COTL1: variants seen among roughly 807,000 people sequenced by gnomAD.
The protein encoded by COTL1 is coactosin-like protein.
COTL1 carries 15 observed loss-of-function variants against 16.5 expected under a neutral mutation model. The ratio of observed to expected loss-of-function variants is 0.91; its 90% confidence interval spans 0.61 to 1.40. COTL1 has a LOEUF of 1.40. Ranked by LOEUF, COTL1 falls within the 40% of genes most tolerant of loss-of-function variation. The pLI is 0.00. For missense variants in COTL1, 220 were observed against 201.5 expected (o/e 1.09, Z -0.56); for synonymous variants, 112 against 85.3 (o/e 1.31, Z -1.73).
chr16:84,590,174 A>C lies in COTL1; in HGVS notation c.249T>G (p.Gly83=). 6.2e-7 allele frequency: 1 copy of C among 1,614,110 alleles called. No homozygotes were observed. Among genetic ancestry groups the C allele is most frequent in the South Asian group, 1.1e-5 (1 of 91,080 alleles). The change falls in exon 3 of 4, where the codon GGT becomes GGG. Residue 83 remains glycine (G), a synonymous_variant. Coordinates refer to ENST00000262428, the MANE Select transcript of COTL1 (RefSeq NM_021149.5). The surrounding 1 kb of genome is among the most constrained non-coding windows in gnomAD (Gnocchi z 5.5). The part of the protein sequence containing the change: ...RSKFALITWI[G]ENVSGLQRAK... ...CGCGCTGCAGCCCGCTGACGTTCTC[A>C]CCGATCCACGTGATGAGGGCAAACT...
At chr16:84,600,532 C>T (rs1319672513) in intron 2 of COTL1, among the ~76,000 whole-genome samples, 2 of 152,176 alleles carry the variant, frequency 1.3e-5, no homozygotes, top group Non-Finnish European at 2.9e-5. Context: ...AGGCTGATCT[C>T]GAACCCCTGA....
intron 2 of COTL1, among the ~76,000 whole-genome samples, chr16:84,602,913 T>C (rs146176478): frequency 3.2e-4 from 49 of 151,478 alleles, no homozygotes; most frequent in African/African-American, 9.9e-4. Context: ...GAGTCAGCGA[T>C]GCCAGAGTCA....
Position 84,567,137 on chromosome 16 carries a change from C to A in COTL1, c.319-182G>T, listed in dbSNP as rs566815192. The A allele has an allele frequency of 9.8e-5, 55 of 563,306 alleles. No individual in the cohort carries two copies. The East Asian group carries it at 1.7e-3, about 18-fold the overall frequency. 34.9% of individuals were successfully genotyped at this position (563,306 alleles called of 1,614,324 possible). A position where few individuals can be genotyped will look rare whatever the true frequency, so the allele number is the denominator to read the frequency against. On this transcript the variant is annotated intron_variant, in intron 3 of 3. Coordinates refer to ENST00000262428, the MANE Select transcript of COTL1 (RefSeq NM_021149.5). The stretch of plus-strand genomic sequence containing the variant: ...AGCAGAGTCAATGGAAATTGAACAG[C>A]AGAGTCATCTGGCAGAAAAAACCTG...
chr16:84,596,721 C>A, intron 2 of COTL1: 1 of 152,790 alleles, frequency 6.5e-6, no homozygotes, highest in Non-Finnish European at 1.5e-5. Context: ...TCTGTCTCCA[C>A]ACACACACTC....
chr16:84,613,519 G>C (rs975318213), intron 2 of COTL1, among the ~76,000 whole-genome samples: 5 of 152,092 alleles, frequency 3.3e-5, no homozygotes, highest in African/African-American at 1.2e-4. Context: ...GGAGATATGG[G>C]TGGGGACAAA....
rs557238908 is a variant in COTL1 at position 84,566,878 on chromosome 16, C to A, written c.396G>T (p.Ala132=). The part of the protein sequence containing the change: ...EDFIKSELKK[A]GGANYDAQTE ...TCTGGGCGTCGTAATTGGCTCCCCC[C>A]GCCTTCTTCAGCTCGCTCTTGATGA... The change falls in exon 4 of 4, where the codon GCG becomes GCT. Residue 132 remains alanine (A), a synonymous_variant. Coordinates refer to ENST00000262428, the MANE Select transcript of COTL1 (RefSeq NM_021149.5). The A allele has an allele frequency of 6.2e-6, 10 of 1,613,854 alleles. No homozygotes were observed. The highest frequency in any genetic ancestry group is 8.5e-6 in the Non-Finnish European group (10 of 1,179,882).
At chr16:84,579,441 C>T (rs1249763298) in intron 3 of COTL1, among the ~76,000 whole-genome samples, 29 of 148,342 alleles carry the variant, frequency 2.0e-4, no homozygotes, top group Admixed American at 1.8e-3. Context: ...GAGCCGAGAT[C>T]GTGCCACTGC....
intron 3 of COTL1, among the ~76,000 whole-genome samples, chr16:84,586,035 G>C (rs1904724139): frequency 6.6e-6 from 1 of 152,106 alleles, no homozygotes; most frequent in Non-Finnish European, 1.5e-5. Flanking sequence ...ACCCAAGCTG[G>C]GCCAATCAGG....
At chr16:84,592,813 G>C (rs1292600336) in intron 2 of COTL1, among the ~76,000 whole-genome samples, 1 of 152,072 alleles carries the variant, frequency 6.6e-6, no homozygotes. Flanking sequence ...CAAGAAGCCG[G>C]GTGGTCTAAC....
rs192378634 is a variant in COTL1, at chr16:84,590,072, C to A, written c.318+33G>T. 122 of 1,586,260 alleles carry A rather than the reference C, an allele frequency of 7.7e-5. No homozygotes were observed. In the African/African-American group the frequency reaches 1.6e-3, roughly 20 times the overall value. On this transcript the variant is annotated intron_variant, in intron 3 of 3. Transcript: ENST00000262428. The surrounding 1 kb of genome is among the most constrained non-coding windows in gnomAD (Gnocchi z 5.5). Reference sequence around the variant, plus strand: ...TTGCAGGATGGTGACCCTTGGCGAGCTTTGACCTCCAGACTCTGGAGGAAC... The same window carrying A: ...TTGCAGGATGGTGACCCTTGGCGAGATTTGACCTCCAGACTCTGGAGGAAC...
Position 84,617,581 on chromosome 16 carries a change from A to G in COTL1, c.80T>C (p.Val27Ala). ...VRDDGSAVIWVTFKYDGSTIV... is the reference protein window; with the variant it reads ...VRDDGSAVIWATFKYDGSTIV... Reference sequence around the variant, plus strand: ...GGTGGAGCCGTCATATTTAAAAGTCACCCTTTGGGTTGGGAGAAGAAAAAA... The same window carrying G: ...GGTGGAGCCGTCATATTTAAAAGTCGCCCTTTGGGTTGGGAGAAGAAAAAA... The change falls in exon 2 of 4, where the codon GTG (valine) becomes GCG (alanine). Residue 27 changes from valine (V) to alanine (A), a missense_variant and splice_region_variant. By Grantham distance (64) the Val-to-Ala change is moderately conservative. Transcript: ENST00000262428. 1 of 1,554,380 alleles carries G rather than the reference A, an allele frequency of 6.4e-7. No homozygotes were observed. Among genetic ancestry groups the G allele is most frequent in the Non-Finnish European group, 8.7e-7 (1 of 1,148,286 alleles).
At chr16:84,598,111 C>T (rs1043821469) in intron 2 of COTL1, among the ~76,000 whole-genome samples, 3 of 152,218 alleles carry the variant, frequency 2.0e-5, no homozygotes, top group African/African-American at 7.2e-5. Context: ...GTGTCATGCA[C>T]TCAGAGCCCA....
At chr16:84,610,375 G>A (rs982507389) in intron 2 of COTL1, among the ~76,000 whole-genome samples, 1 of 152,174 alleles carries the variant, frequency 6.6e-6, no homozygotes, top group Non-Finnish European at 1.5e-5. Flanking sequence ...TTTCTGGCAC[G>A]TCACCTGTCT....
intron 2 of COTL1, among the ~76,000 whole-genome samples, chr16:84,597,336 G>C (rs988021675): frequency 2.0e-5 from 3 of 152,192 alleles, no homozygotes; most frequent in African/African-American, 7.2e-5. Context: ...ACAGATCGCA[G>C]TCCCATTTCA....
At position 84,566,781 on chromosome 16, in the gene COTL1, C is replaced by A. The variant is rs570693248; in HGVS notation, c.*64G>T. On this transcript the variant is annotated 3_prime_UTR_variant, in exon 4 of 4. Transcript: ENST00000262428. ...CTGGTGGGCTAGTAGCTGAGGCCGG[C>A]GGTCCTCTCCCCCGGGGAGCAGGCA... The A allele has an allele frequency of 6.2e-6, 7 of 1,132,726 alleles. No individual in the cohort carries two copies. The African/African-American group carries it at 7.6e-5, about 12-fold the overall frequency. The allele number at this position is 1,132,726 out of a possible 1,614,324, so 70.2% of individuals were successfully genotyped here.
At chr16:84,597,122 C>T (rs1322098956) in intron 2 of COTL1, among the ~76,000 whole-genome samples, 2 of 152,210 alleles carry the variant, frequency 1.3e-5, no homozygotes, top group Non-Finnish European at 2.9e-5. Flanking sequence ...CCACTTTCTG[C>T]ATCCAGCTCT....
At chr16:84,603,912 G>C (rs890842122) in intron 2 of COTL1, among the ~76,000 whole-genome samples, 2 of 151,364 alleles carry the variant, frequency 1.3e-5, no homozygotes, top group Non-Finnish European at 3.0e-5. Flanking sequence ...ATGGCTCCCG[G>C]GGCCACTGCA....
intron 2 of COTL1, among the ~76,000 whole-genome samples, chr16:84,602,051 G>C (rs1354146383): frequency 6.6e-6 from 1 of 152,124 alleles, no homozygotes. Context: ...AGGAGGGAAG[G>C]AATCTCGTTC....
In COTL1 at chr16:84,614,463, G is replaced by C. The variant is rs143368778; in HGVS notation, c.160+3038C>G. On this transcript the variant is annotated intron_variant, in intron 2 of 3. Coordinates refer to ENST00000262428, the MANE Select transcript of COTL1 (RefSeq NM_021149.5). The stretch of plus-strand genomic sequence containing the variant: ...GGGAAGAAATGAGGAGGGGAGGCTG[G>C]GTGGAGAGATCCCATTCTGGAAAGC... Among the ~76,000 whole-genome samples, 3 of 152,178 alleles carry C rather than the reference G, an allele frequency of 2.0e-5. No homozygotes were observed. In the East Asian group the frequency reaches 5.8e-4, roughly 29 times the overall value.
Sources: gnomAD v4.1 joint callset for allele counts (sites outside exome capture counted in the v4.1 genomes callset) on GRCh38, gnomAD v4.1.1 for gene constraint, Gnocchi (gnomAD v3.1) non-coding constraint, MANE v1.5 for transcripts, NCBI Gene and HGNC (gene_info 2026-07-23, HGNC 2026-07-21) for gene names.